The following HERC6 variants were observed in gnomAD, a reference collection of about 807,000 sequenced individuals.
The protein encoded by HERC6 is probable E3 ubiquitin-protein ligase HERC6.
In HERC6, 101 loss-of-function variants were observed where a neutral mutation model predicts 114.5. That is an observed-to-expected ratio of 0.88 (90% confidence interval 0.75 to 1.04). The LOEUF (loss-of-function observed/expected upper bound fraction) is 1.04, where lower values mean the gene tolerates loss of function less well. Among genes scored for constraint, HERC6 ranks in the 50% least tolerant of loss-of-function variants. HERC6 has a pLI of 0.00. For synonymous variants in HERC6, 408 were observed against 436.2 expected (o/e 0.94, Z 0.81); for missense variants, 1,133 against 1,230.9 (o/e 0.92, Z 1.19).
chr4:88,405,136 T>TG, intron 9 of HERC6, 139 bp downstream of exon 9: 2 of 1,012,712 alleles, frequency 2.0e-6, no homozygotes, highest in Non-Finnish European at 2.9e-6. Context: ...CCTCTTAGTG[T>TG]GACTAGGTCA....
At chr4:88,400,795 T>C (rs1187556668) in intron 8 of HERC6, among the ~76,000 whole-genome samples, 1 of 152,218 alleles carries the variant, frequency 6.6e-6, no homozygotes, top group African/African-American at 2.4e-5. Flanking sequence ...GTTATTGGTA[T>C]TAATCTCTTA....
chr4:88,396,714 A>G, intron 6 of HERC6, 137 bp from the exon 7 acceptor site: 2 of 654,970 alleles, frequency 3.1e-6, no homozygotes, highest in Admixed American at 3.3e-5. Context: ...TAACACTGAC[A>G]TTGTGATAAG....
At chr4:88,380,393 A>AAT (rs1189378220) in intron 1 of HERC6, among the ~76,000 whole-genome samples, 4 of 93,430 alleles carry the variant, frequency 4.3e-5, no homozygotes, top group East Asian at 2.6e-4. Flanking sequence ...ATAATATATA[A>AAT]ATATATATAT....
chr4:88,431,770 A>AAG (rs1738245579), intron 17 of HERC6, among the ~76,000 whole-genome samples: 1 of 152,014 alleles, frequency 6.6e-6, no homozygotes, highest in African/African-American at 2.4e-5. Flanking sequence ...TAGAGACGGC[A>AAG]TTTTGCCATG....
In HERC6 at chr4:88,438,444, A is replaced by ATCAGCC. The variant is rs1280730004; in HGVS notation, c.2555+664_2555+665insCAGCCT. Among the ~76,000 whole-genome samples the ATCAGCC allele has an allele frequency of 2.6e-5, 4 of 152,176 alleles. No homozygotes were observed. In the East Asian group the frequency reaches 7.7e-4, roughly 29 times the overall value. Reference sequence around the variant, plus strand: ...TTTTTAATAGAGATGGAGTCTTGCCATGCTGCCCAGGCTGGTCTCGAATTC... The same window carrying ATCAGCC: ...TTTTTAATAGAGATGGAGTCTTGCCATCAGCCTGCTGCCCAGGCTGGTCTCGAATTC... On this transcript the variant is annotated intron_variant, in intron 20 of 22. Coordinates refer to ENST00000264346, the MANE Select transcript of HERC6 (RefSeq NM_017912.4).
At chr4:88,426,018 C>T (rs1281133191) in intron 15 of HERC6, among the ~76,000 whole-genome samples, 1 of 151,980 alleles carries the variant, frequency 6.6e-6, no homozygotes, top group African/African-American at 2.4e-5. Context: ...CTTTTTATAC[C>T]CCGCTAATTA....
In HERC6 at chr4:88,426,308, A is replaced by C. The variant is rs534898653; in HGVS notation, c.1935+1606A>C. ...CTCAGCCTCCCAAGTAGGTGGGATT[A>C]CAGGCATGCGCCACCATGCCTGGCT... On this transcript the variant is annotated intron_variant, in intron 15 of 22. Transcript: ENST00000264346. 2.0e-5 allele frequency among the ~76,000 whole-genome samples: 3 copies of C among 152,194 alleles called. 1 individual carries two copies. The highest frequency in any genetic ancestry group is 7.2e-5 in the African/African-American group (3 of 41,536).
intron 12 of HERC6, among the ~76,000 whole-genome samples, chr4:88,416,488 T>A (rs900394474): frequency 4.6e-5 from 7 of 152,062 alleles, no homozygotes; most frequent in Admixed American, 1.3e-4. Flanking sequence ...AGAATTATTT[T>A]AAAAAATTTT....
intron 20 of HERC6, among the ~76,000 whole-genome samples, chr4:88,438,343 A>T (rs1416283561): frequency 6.6e-6 from 1 of 152,138 alleles, no homozygotes; most frequent in Non-Finnish European, 1.5e-5. Flanking sequence ...GAGATACAGT[A>T]GTCAAAAAGA....
At position 88,404,870 on chromosome 4, in the gene HERC6, C is replaced by T. The variant is rs1319048212; in HGVS notation, c.1093-6C>T. 1.9e-6 allele frequency: 3 copies of T among 1,612,848 alleles called. No individual in the cohort carries two copies. The African/African-American group carries it at 4.0e-5, about 22-fold the overall frequency. ...CTGATCATTCTTGTTTCTTCCTTCC[C>T]TGAAGGATACTAGTTCCACACGTGC... On this transcript the variant is annotated splice_polypyrimidine_tract_variant and splice_region_variant and intron_variant, in intron 8 of 22. Transcript: ENST00000264346.
chr4:88,398,467 C>A, intron 8 of HERC6: 1 of 305,710 alleles, frequency 3.3e-6, no homozygotes, highest in Non-Finnish European at 5.9e-6. Context: ...GTTGAATTTG[C>A]ATCATGTAAA....
rs890197448 is a variant in HERC6 at position 88,428,500 on chromosome 4, G to A, written c.1936-80G>A. The A allele has an allele frequency of 2.8e-6, 3 of 1,073,672 alleles. No individual in the cohort carries two copies. In the African/African-American group the frequency reaches 4.8e-5, roughly 17 times the overall value. The allele number at this position is 1,073,672 out of a possible 1,614,324, so 66.5% of individuals were successfully genotyped here. A position where few individuals can be genotyped will look rare whatever the true frequency, so the allele number is the denominator to read the frequency against. On this transcript the variant is annotated intron_variant, in intron 15 of 22. Transcript: ENST00000264346. Reference sequence around the variant, plus strand: ...GGATTAAGTATATACTACACAAAATGTTTATTGGAAGTATTAAACAATCCT... The same window carrying A: ...GGATTAAGTATATACTACACAAAATATTTATTGGAAGTATTAAACAATCCT...
rs763446906 is a variant in HERC6, at chr4:88,393,449, T to G, written c.665-39T>G. On this transcript the variant is annotated intron_variant, in intron 4 of 22. Coordinates refer to ENST00000264346, the MANE Select transcript of HERC6 (RefSeq NM_017912.4). ...TGTAAATAGTCATGAAATCTGAGTC[T>G]GTTTCTTATACTCTAGAGATTCTGC... 3.3e-6 allele frequency: 4 copies of G among 1,204,230 alleles called. No homozygotes were observed. The African/African-American group carries it at 5.9e-5, about 18-fold the overall frequency. The allele number at this position is 1,204,230 out of a possible 1,614,324, so 74.6% of individuals were successfully genotyped here.
At chr4:88,434,021 T>G (rs573852770) in intron 17 of HERC6, among the ~76,000 whole-genome samples, 47 of 152,360 alleles carry the variant, frequency 3.1e-4, no homozygotes, top group African/African-American at 1.1e-3. Context: ...TATTAAATAT[T>G]GTGGGATATT....
intron 12 of HERC6, among the ~76,000 whole-genome samples, chr4:88,413,566 C>G (rs1736252431): frequency 6.6e-6 from 1 of 152,140 alleles, no homozygotes; most frequent in Non-Finnish European, 1.5e-5. Context: ...AGTATTCAAT[C>G]AAGATCAATC....
chr4:88,440,355 A>C, intron 22 of HERC6, 105 bp downstream of exon 22: 1 of 678,296 alleles, frequency 1.5e-6, no homozygotes, highest in Non-Finnish European at 2.5e-6. Context: ...CTGGGGTGAC[A>C]CCCAAGGTTC....
intron 19 of HERC6, 117 bp downstream of exon 19, chr4:88,437,088 A>T: frequency 3.0e-6 from 2 of 657,218 alleles, no homozygotes; most frequent in African/African-American, 1.9e-5. Context: ...GCAGAGTCTC[A>T]CTCTGTCACC....
Position 88,393,534 on chromosome 4 carries a change from T to G in HERC6, c.711T>G (p.Gly237=). The G allele has an allele frequency of 6.2e-7, 1 of 1,612,798 alleles. No homozygotes were observed. Among genetic ancestry groups the G allele is most frequent in the Non-Finnish European group, 8.5e-7 (1 of 1,179,164 alleles). Residue 237 remains glycine, a synonymous_variant, in exon 5 of 23, where the codon GGT becomes GGG. Transcript: ENST00000264346. ...PLSVGALKNL[G]VVYISCGDAH... ...CAGTCGGTGCACTGAAGAATCTAGGTGTGGTTTATATCAGCTGTGGTGATG... is the reference window on the plus strand; with the variant it reads ...CAGTCGGTGCACTGAAGAATCTAGGGGTGGTTTATATCAGCTGTGGTGATG...
chr4:88,442,153 A>G, intron 22 of HERC6, 81 bp from the exon 23 acceptor site: 1 of 966,482 alleles, frequency 1.0e-6, no homozygotes, highest in South Asian at 1.5e-5. Flanking sequence ...ATACTTACTG[A>G]ATGAAGTGAT....
Sources: gnomAD v4.1 joint callset for allele counts (sites outside exome capture counted in the v4.1 genomes callset) on GRCh38, gnomAD v4.1.1 for gene constraint, MANE v1.5 for transcripts, NCBI Gene and HGNC (gene_info 2026-07-23, HGNC 2026-07-21) for gene names.